Variants in MASP1 observed in about 807,000 individuals in gnomAD.
The protein encoded by MASP1 is mannan-binding lectin serine protease 1.
Under a neutral mutation model 77.1 loss-of-function variants are expected in MASP1, and 59 were observed. That is an observed-to-expected ratio of 0.77 (90% CI 0.62 to 0.95). The LOEUF (loss-of-function observed/expected upper bound fraction) is 0.95. Among genes scored for constraint, MASP1 ranks in the 40% least tolerant of loss-of-function variants. MASP1 has a pLI of 0.00. For synonymous variants in MASP1, 362 were observed against 354.5 expected (o/e 1.02, Z -0.24); for missense variants, 885 against 912.9 (o/e 0.97, Z 0.39).
At chr3:187,261,569 A>G (rs556861258) in intron 3 of MASP1, among the ~76,000 whole-genome samples, 23 of 152,332 alleles carry the variant, frequency 1.5e-4, no homozygotes, top group African/African-American at 5.3e-4. Flanking sequence ...AAAATTGACA[A>G]CATCTAATGT....
exon 16 of MASP1, chr3:187,220,198 C>T (rs1560224865): frequency 1.2e-6 from 2 of 1,614,084 alleles, no homozygotes; most frequent in Admixed American, 1.7e-5. Flanking sequence ...GTACCACTGG[C>T]CTCTTTCTCT....
At chr3:187,262,448 A>T (rs1364438168) in intron 3 of MASP1, 95 bp downstream of exon 3, 1 of 1,240,254 alleles carries the variant, frequency 8.1e-7, no homozygotes, top group Non-Finnish European at 1.2e-6. Context: ...TGTGGTGCAC[A>T]CACAGATTTC....
downstream of MASP1, among the ~76,000 whole-genome samples, chr3:187,231,599 A>G (rs751748227): frequency 1.1e-4 from 16 of 152,272 alleles, no homozygotes; most frequent in African/African-American, 4.8e-5. Flanking sequence ...ATCTACATAC[A>G]GAGTAGGATA....
rs1218314286 is a variant in MASP1 at position 187,235,813 on chromosome 3, C to A, written c.2058G>T (p.Trp686Cys). 2.5e-6 allele frequency: 4 copies of A among 1,614,210 alleles called. No homozygotes were observed. The highest frequency in any genetic ancestry group is 3.4e-6 in the Non-Finnish European group (4 of 1,180,040). ...QRWVVQGLVS[W>C]GGPEECGSKQ... ...TGCTGCCGCATTCTTCAGGTCCCCC[C>A]CAGGACACCAGGCCTTGCACCACCC... The change falls in exon 11 of 11, where the codon TGG (tryptophan) becomes TGT (cysteine). Residue 686 changes from tryptophan to cysteine, a missense_variant. Coordinates refer to ENST00000296280, the MANE Select transcript of MASP1 (RefSeq NM_139125.4).
chr3:187,291,623 C>T lies in MASP1; in HGVS notation c.5+5G>A, dbSNP rs778660694. 24 of 1,614,082 alleles carry T rather than the reference C, an allele frequency of 1.5e-5. No homozygotes were observed. The highest frequency in any genetic ancestry group is 4.4e-5 in the South Asian group (4 of 91,092). ...AACCGTGCCCTCTCCTCCCCTGGCA[C>T]GTACCTCATTTTCCTGCCTTGGGTG... On this transcript the variant is annotated splice_donor_5th_base_variant and intron_variant, in intron 1 of 10. Coordinates refer to ENST00000296280, the MANE Select transcript of MASP1 (RefSeq NM_139125.4).
chr3:187,251,735 G>T lies in MASP1; in HGVS notation c.910C>A (p.Leu304Ile), dbSNP rs145057248. 4.4e-4 allele frequency: 708 copies of T among 1,613,906 alleles called. No individual in the cohort carries two copies. Among genetic ancestry groups the T allele is most frequent in the Non-Finnish European group, 5.8e-4 (679 of 1,179,890 alleles). The change falls in exon 7 of 11, where the codon CTA becomes ATA. Residue 304 changes from leucine (L) to isoleucine (I), a missense_variant. By Grantham distance (5) the Leu-to-Ile change is conservative. Coordinates refer to ENST00000296280, the MANE Select transcript of MASP1 (RefSeq NM_139125.4). ...YRAAGNECPELQPPVHGKIEP... is the reference protein window; with the variant it reads ...YRAAGNECPEIQPPVHGKIEP... The stretch of plus-strand genomic sequence containing the variant: ...ATTTTCCCATGGACAGGAGGCTGTA[G>T]CTCTGGGCACTCATTTCCTGGTGAG...
In MASP1 at chr3:187,235,374, TG is replaced by T. The variant is rs2108511977; in HGVS notation, c.*309del. 1 of 1,433,356 alleles carries T rather than the reference TG, an allele frequency of 7.0e-7. No homozygotes were observed. The highest frequency in any genetic ancestry group is 9.2e-7 in the Non-Finnish European group (1 of 1,082,758). 88.8% of individuals were successfully genotyped at this position (1,433,356 alleles called of 1,614,324 possible). ...ATAAAGGCCACTGGGGTAAGAAGCA[TG>T]GCCTGGAAAGGAGTGCTGGGATTGG... is the stretch of plus-strand genomic sequence containing the variant. On this transcript the variant is annotated 3_prime_UTR_variant, in exon 11 of 11. Transcript: ENST00000296280.
At chr3:187,226,226 T>G (rs1229925929) in intron 12 of MASP1, 3 of 632,254 alleles carry the variant, frequency 4.7e-6, no homozygotes, top group Non-Finnish European at 8.7e-6. Context: ...CTTCTCATGG[T>G]CACGTGTCTG....
downstream of MASP1, among the ~76,000 whole-genome samples, chr3:187,230,679 C>T (rs1003259026): frequency 5.9e-5 from 9 of 152,270 alleles, no homozygotes; most frequent in East Asian, 7.7e-4. Context: ...TTGACAGACA[C>T]GCTCCCACAT....
chr3:187,263,722 T>C (rs1715796231), intron 2 of MASP1, among the ~76,000 whole-genome samples: 3 of 152,288 alleles, frequency 2.0e-5, no homozygotes, highest in East Asian at 3.9e-4. Context: ...AAAACATGCC[T>C]GTTTGCTAAA....
At chr3:187,260,980 T>C in intron 3 of MASP1, 108 bp from the exon 4 acceptor site, 2 of 1,265,766 alleles carry the variant, frequency 1.6e-6, no homozygotes, top group East Asian at 2.3e-5. Flanking sequence ...AGGAGATTCA[T>C]GCGTTCTCTC....
At chr3:187,249,682 G>A (rs746870240) in intron 8 of MASP1, among the ~76,000 whole-genome samples, 11 of 152,290 alleles carry the variant, frequency 7.2e-5, no homozygotes, top group South Asian at 2.1e-4. Flanking sequence ...TAGTTGAGGC[G>A]AAGGGTCTTA....
downstream of MASP1, chr3:187,229,702 C>A: frequency 2.5e-6 from 4 of 1,596,686 alleles, no homozygotes; most frequent in South Asian, 2.3e-5. Context: ...AAACCTTGGT[C>A]AGTCTCCAAG....
chr3:187,235,194 G>A lies in MASP1; in HGVS notation c.*490C>T. The A allele has an allele frequency of 7.8e-7, 1 of 1,288,246 alleles. No homozygotes were observed. 79.8% of individuals were successfully genotyped at this position (1,288,246 alleles called of 1,614,324 possible). ...AAACCTGAATGCTCTTCTCCTAGAG[G>A]AAGGATTAGGCCAAGGCTAGTCCCA... On this transcript the variant is annotated 3_prime_UTR_variant, in exon 11 of 11. Transcript: ENST00000296280.
chr3:187,256,640 G>A (rs199617285), intron 5 of MASP1, 24 bp downstream of exon 5: 31 of 1,612,302 alleles, frequency 1.9e-5, no homozygotes, highest in Non-Finnish European at 2.1e-5. Flanking sequence ...GCATCTCCAG[G>A]ACAAGTGTTC....
Position 187,290,770 on chromosome 3 carries a change from TTGTGTGTG to T in MASP1, c.5+850_5+857del, listed in dbSNP as rs55722614. 1.1e-3 allele frequency among the ~76,000 whole-genome samples: 169 copies of T among 149,888 alleles called. 1 individual carries two copies. In the East Asian group the frequency reaches 0.018, roughly 16 times the overall value. On this transcript the variant is annotated intron_variant, in intron 1 of 10. Transcript: ENST00000296280. ...TAGGGACTTACACATCTGCAGAGCA[TTGTGTGTG>T]TGTGTGTGTGTGTGTGTGTGTGTAA...
At chr3:187,229,212 T>C (rs944011453), downstream of MASP1, among the ~76,000 whole-genome samples, 2 of 152,164 alleles carry the variant, frequency 1.3e-5, no homozygotes, top group African/African-American at 4.8e-5. Context: ...AAGGTGACAG[T>C]CCTATTTCCC....
At position 187,234,883 on chromosome 3, in the gene MASP1, G is replaced by A; in HGVS notation, c.*801C>T. 7.8e-7 allele frequency: 1 copy of A among 1,287,206 alleles called. No individual in the cohort carries two copies. Among genetic ancestry groups the A allele is most frequent in the Non-Finnish European group, 1.0e-6 (1 of 988,674 alleles). 79.7% of individuals were successfully genotyped at this position (1,287,206 alleles called of 1,614,324 possible). ...GTGCTTGTCTGGAGCAGCAGGTGTG[G>A]ACGCCCATGGTGTCAGCTGGTGTTC... On this transcript the variant is annotated 3_prime_UTR_variant, in exon 11 of 11. Coordinates refer to ENST00000296280, the MANE Select transcript of MASP1 (RefSeq NM_139125.4).
At position 187,241,565 on chromosome 3, in the gene MASP1, T is replaced by G. The variant is rs1482359877; in HGVS notation, c.1229-10A>C. 1 of 1,588,904 alleles carries G rather than the reference T, an allele frequency of 6.3e-7. No homozygotes were observed. The highest frequency in any genetic ancestry group is 2.2e-5 in the East Asian group (1 of 44,728). ...GAACAGGTATATATACCTGGATTAG[T>G]GAAAGAGGTTAGGAGAGGAGGGAGA... On this transcript the variant is annotated splice_polypyrimidine_tract_variant and intron_variant, in intron 9 of 10. Coordinates refer to ENST00000296280, the MANE Select transcript of MASP1 (RefSeq NM_139125.4).
Sources: allele counts gnomAD v4.1 joint callset (sites outside exome capture counted in the v4.1 genomes callset), GRCh38; gene constraint gnomAD v4.1.1; transcripts MANE v1.5; gene names NCBI Gene and HGNC (gene_info 2026-07-23, HGNC 2026-07-21).